HEATR6: variants seen among roughly 807,000 people sequenced by gnomAD.
HEATR6 encodes HEAT repeat-containing protein 6.
HEATR6 carries 106 observed loss-of-function variants against 132.8 expected under a neutral mutation model. The observed-to-expected ratio is 0.80, with a 90% CI of 0.68 to 0.94. HEATR6 has a LOEUF of 0.94. HEATR6 is among the 40% of genes least tolerant of loss of function. HEATR6 has a pLI of 0.00. For synonymous variants in HEATR6, 529 were observed against 537.8 expected, an observed-to-expected ratio of 0.98 and a Z score of 0.23; for missense variants, 1,339 against 1,425.1, an observed-to-expected ratio of 0.94 and a Z score of 0.97.
At chr17:60,069,569 A>G in intron 7 of HEATR6, 142 bp downstream of exon 7, 1 of 742,876 alleles carries the variant, frequency 1.3e-6, no homozygotes. Flanking sequence ...AGATGAGTTT[A>G]AATTTACTAT....
chr17:60,049,421 T>C (rs1259876291), intron 16 of HEATR6, among the ~76,000 whole-genome samples, 159 bp downstream of exon 16: 1 of 152,114 alleles, frequency 6.6e-6, no homozygotes, highest in East Asian at 1.9e-4. Flanking sequence ...TGAGCCACCA[T>C]GCCTGGCCCA....
At chr17:60,076,982 T>A (rs1363047299) in intron 1 of HEATR6, among the ~76,000 whole-genome samples, 1 of 150,000 alleles carries the variant, frequency 6.7e-6, no homozygotes, top group Admixed American at 6.7e-5. Context: ...TATTTGCAAG[T>A]CACACTCTTC....
At chr17:60,057,735 C>G (rs1257780942) in intron 11 of HEATR6, among the ~76,000 whole-genome samples, 1 of 152,114 alleles carries the variant, frequency 6.6e-6, no homozygotes, top group African/African-American at 2.4e-5. Flanking sequence ...TTTAAAAAGA[C>G]TACAGTGACA....
rs1432595323 is a variant in HEATR6, at chr17:60,062,824, G to T, written c.1417-2728C>A. On this transcript the variant is annotated intron_variant, in intron 9 of 19. Coordinates refer to ENST00000184956, the MANE Select transcript of HEATR6 (RefSeq NM_022070.5). Reference sequence around the variant, plus strand: ...CGTGTTGTGGGAGGGACTTGTGAGAGGTAACTGAATCATGGGGGCTGGTCT... The same window carrying T: ...CGTGTTGTGGGAGGGACTTGTGAGATGTAACTGAATCATGGGGGCTGGTCT... Among the ~76,000 whole-genome samples the T allele has an allele frequency of 3.3e-5, 5 of 152,298 alleles. No individual in the cohort carries two copies. The East Asian group carries it at 7.7e-4, about 24-fold the overall frequency.
chr17:60,058,317 G>A (rs547510182), intron 11 of HEATR6, among the ~76,000 whole-genome samples: 32 of 152,058 alleles, frequency 2.1e-4, no homozygotes, highest in Non-Finnish European at 4.1e-4. Context: ...TATAGATCTT[G>A]TACATATTTT....
chr17:60,073,904 G>A lies in HEATR6; in HGVS notation c.328-18C>T, dbSNP rs368826198. ...ACAATTACCTAACAGGACAGGAAAA[G>A]ATATATTCTGATCTAACTTTTAAAA... On this transcript the variant is annotated intron_variant, in intron 2 of 19. Coordinates refer to ENST00000184956, the MANE Select transcript of HEATR6 (RefSeq NM_022070.5). 21 of 1,608,586 alleles carry A rather than the reference G, an allele frequency of 1.3e-5. No individual in the cohort carries two copies. Among genetic ancestry groups the A allele is most frequent in the African/African-American group, 9.4e-5 (7 of 74,682 alleles).
intron 8 of HEATR6, among the ~76,000 whole-genome samples, chr17:60,067,220 A>G (rs1214705779): frequency 2.7e-5 from 4 of 146,104 alleles, no homozygotes; most frequent in Non-Finnish European, 6.0e-5. Flanking sequence ...CAGTGAGCCG[A>G]GATCCCGCCA....
intron 9 of HEATR6, among the ~76,000 whole-genome samples, chr17:60,060,336 G>T (rs545874202): frequency 6.6e-6 from 1 of 152,150 alleles, no homozygotes; most frequent in Non-Finnish European, 1.5e-5. Flanking sequence ...CTGCAGTGCA[G>T]TGGCGCAATC....
intron 2 of HEATR6, chr17:60,075,481 T>C (rs767995583): frequency 2.0e-5 from 3 of 152,214 alleles, no homozygotes; most frequent in Non-Finnish European, 4.4e-5. Flanking sequence ...CATACTCATG[T>C]GGTAACAGTC....
chr17:60,070,594 T>C (rs1363669169), intron 6 of HEATR6, 112 bp downstream of exon 6: 2 of 507,770 alleles, frequency 3.9e-6, no homozygotes, highest in South Asian at 4.2e-5. Context: ...TCTCAAAATA[T>C]ATGTAAGAAC....
intron 11 of HEATR6, among the ~76,000 whole-genome samples, chr17:60,057,691 T>C (rs1360205929): frequency 6.6e-6 from 1 of 152,180 alleles, no homozygotes; most frequent in Admixed American, 6.5e-5. Context: ...CTAAGTCAGT[T>C]TGATATAAAA....
chr17:60,042,028 C>T lies in HEATR6; in HGVS notation c.*1535G>A, dbSNP rs758092717. On this transcript the variant is annotated 3_prime_UTR_variant, in exon 20 of 20. Transcript: ENST00000184956. ...AATATATATATTCAGTAGAAGTTAC[C>T]TTCATAACTTGTGGGGCATTATCAA... Among the ~76,000 whole-genome samples, 2 of 152,094 alleles carry T rather than the reference C, an allele frequency of 1.3e-5. No individual in the cohort carries two copies. The highest frequency in any genetic ancestry group is 2.9e-5 in the Non-Finnish European group (2 of 68,026).
In HEATR6 at chr17:60,042,287, A is replaced by G. The variant is rs8070456; in HGVS notation, c.*1276T>C. On this transcript the variant is annotated 3_prime_UTR_variant, in exon 20 of 20. Transcript: ENST00000184956. Reference sequence around the variant, plus strand: ...GGGAGGTGTGGCAGGGAAGGTGGTCAGGGGAACACGGGCACTCCAGAAGCT... The same window carrying G: ...GGGAGGTGTGGCAGGGAAGGTGGTCGGGGGAACACGGGCACTCCAGAAGCT... Among the ~76,000 whole-genome samples the G allele has an allele frequency of 0.11, 15,575 of 145,474 alleles. 1,222 individuals carry two copies. Among genetic ancestry groups the G allele is most frequent in the African/African-American group, 0.24 (9,060 of 37,416 alleles).
rs749089006 is a variant in HEATR6 at position 60,050,962 on chromosome 17, T to C, written c.2305A>G (p.Thr769Ala). 2 of 1,613,992 alleles carry C rather than the reference T, an allele frequency of 1.2e-6. No homozygotes were observed. Among genetic ancestry groups the C allele is most frequent in the African/African-American group, 2.7e-5 (2 of 74,906 alleles). The change falls in exon 15 of 20, where the codon ACT (threonine) becomes GCT (alanine). Residue 769 changes from threonine to alanine, a missense_variant. Physicochemically the swap from Thr to Ala is moderately conservative, Grantham distance 58. Coordinates refer to ENST00000184956, the MANE Select transcript of HEATR6 (RefSeq NM_022070.5). ...GGTAAAGGACCGTTCAGCATCATAG[T>C]CCAGAACATCACCACCTGGAACGGA... ...APVFLVVMFW[T>A]MMLNGPLPRA...
In HEATR6 at chr17:60,048,072, T is replaced by C. The variant is rs183046217; in HGVS notation, c.2672+192A>G. On this transcript the variant is annotated intron_variant, in intron 17 of 19. Transcript: ENST00000184956. ...TATTTTTAATACATATATATCTTAA[T>C]GCATTCCTAATATATATTAAGAACA... 1.3e-3 allele frequency among the ~76,000 whole-genome samples: 196 copies of C among 152,338 alleles called. 2 individuals carry two copies. The highest frequency in any genetic ancestry group is 2.0e-3 in the Non-Finnish European group (138 of 68,034).
rs1172939221 is a variant in HEATR6, at chr17:60,067,655, T to C, written c.1017A>G (p.Glu339=). The change falls in exon 8 of 20, where the codon GAA becomes GAG. Residue 339 remains glutamate (E), a synonymous_variant. Transcript: ENST00000184956. Reference sequence around the variant, plus strand: ...TGCCAGTGACTGGGGCTGCCTCTATTTCACCACTGGATTCCTTTTCCTCCT... The same window carrying C: ...TGCCAGTGACTGGGGCTGCCTCTATCTCACCACTGGATTCCTTTTCCTCCT... The part of the protein sequence containing the change: ...GEEEEKESSG[E]IEAAPVTGTG... 2.5e-6 allele frequency: 4 copies of C among 1,613,184 alleles called. No individual in the cohort carries two copies. The highest frequency in any genetic ancestry group is 2.7e-5 in the African/African-American group (2 of 74,846).
intron 16 of HEATR6, among the ~76,000 whole-genome samples, chr17:60,049,062 T>TTA (rs1260429542): frequency 1.5e-5 from 2 of 137,512 alleles, no homozygotes; most frequent in South Asian, 2.3e-4. Flanking sequence ...ATGCCTGTAG[T>TTA]TATATATATA....
At chr17:60,069,575 A>T in intron 7 of HEATR6, 136 bp downstream of exon 7, 1 of 767,456 alleles carries the variant, frequency 1.3e-6, no homozygotes, top group Non-Finnish European at 2.1e-6. Flanking sequence ...GTTTAAATTT[A>T]CTATGCTAAC....
chr17:60,048,144 G>A, intron 17 of HEATR6, 120 bp downstream of exon 17: 1 of 967,796 alleles, frequency 1.0e-6, no homozygotes, highest in African/African-American at 1.6e-5. Context: ...AAAAAAGCAG[G>A]AAGACTGACT....
Sources: gnomAD v4.1 joint callset for allele counts (sites outside exome capture counted in the v4.1 genomes callset) on GRCh38, gnomAD v4.1.1 for gene constraint, MANE v1.5 for transcripts, NCBI Gene and HGNC (gene_info 2026-07-23, HGNC 2026-07-21) for gene names.